Variants in PDZRN3 observed in about 807,000 individuals in gnomAD.
PDZRN3 encodes the protein PDZ domain containing ring finger 3.
Under a neutral mutation model 85.7 loss-of-function variants are expected in PDZRN3, and 38 were observed. The observed-to-expected ratio is 0.44, with a 90% confidence interval of 0.34 to 0.58. The LOEUF is 0.58. PDZRN3 is among the 20% of genes least tolerant of loss of function. The pLI is 0.01. For missense variants in PDZRN3, 1,629 were observed against 1,506.4 expected (o/e 1.08, Z -1.35); for synonymous variants, 759 against 638.0 (o/e 1.19, Z -2.86).
intron 3 of PDZRN3, among the ~76,000 whole-genome samples, chr3:73,415,910 T>G (rs1034972589): frequency 6.7e-6 from 1 of 150,166 alleles, no homozygotes; most frequent in African/African-American, 2.5e-5. Context: ...TTTTTAGTAT[T>G]AACTATGGCT....
chr3:73,578,344 A>AT (rs372703841), intron 3 of PDZRN3, among the ~76,000 whole-genome samples: 45 of 151,320 alleles, frequency 3.0e-4, no homozygotes, highest in Non-Finnish European at 4.3e-4. Flanking sequence ...AATTTTTTGT[A>AT]TTTTTTTATT....
chr3:73,385,537 AGGCT>A (rs2106673143), intron 9 of PDZRN3, 128 bp downstream of exon 9: 1 of 643,020 alleles, frequency 1.6e-6, no homozygotes, highest in East Asian at 2.6e-5. Context: ...AAAGTACTTG[AGGCT>A]GTTTTCTTGC....
intron 1 of PDZRN3, among the ~76,000 whole-genome samples, chr3:73,615,396 C>T (rs1702746455): frequency 6.6e-6 from 1 of 152,196 alleles, no homozygotes; most frequent in African/African-American, 2.4e-5. Flanking sequence ...GGTGTTACAG[C>T]ATCTTAACAC....
intron 1 of PDZRN3, among the ~76,000 whole-genome samples, chr3:73,610,309 A>G (rs4499540): frequency 0.9 from 137,310 of 152,260 alleles, 61,982 homozygotes; most frequent in African/African-American, 0.94. Context: ...TGTACCCAAC[A>G]AAAAACAGCA....
chr3:73,507,208 C>T (rs1704084336), intron 3 of PDZRN3, among the ~76,000 whole-genome samples: 2 of 152,182 alleles, frequency 1.3e-5, no homozygotes, highest in Admixed American at 6.5e-5. Context: ...CGCTCTTGTC[C>T]CCCAAGCTGG....
At chr3:73,388,250 A>G (rs3912295) in intron 7 of PDZRN3, 181 bp from the exon 8 acceptor site, 291,648 of 461,792 alleles carry the variant, frequency 0.63, 95,076 homozygotes, top group East Asian at 0.88. Context: ...GCTCAGACCA[A>G]TGCAGTTTCT....
chr3:73,499,526 T>G (rs1251413250), intron 3 of PDZRN3, among the ~76,000 whole-genome samples: 1 of 152,174 alleles, frequency 6.6e-6, no homozygotes, highest in Non-Finnish European at 1.5e-5. Flanking sequence ...CGTGTAAGGC[T>G]CCAGGGTGGA....
intron 3 of PDZRN3, among the ~76,000 whole-genome samples, chr3:73,470,822 A>T (rs920173481): frequency 1.3e-5 from 2 of 152,200 alleles, no homozygotes. Flanking sequence ...CATTTTTGAG[A>T]TCCATTGTTA....
rs34405662 is a variant in PDZRN3 at position 73,600,337 on chromosome 3, A to ACACACACTCTCTCTCTCTCT, written c.918+2016_918+2017insAGAGAGAGAGAGAGTGTGTG. The stretch of plus-strand genomic sequence containing the variant: ...CACACACACACACACACACACACAC[A>ACACACACTCTCTCTCTCTCT]CTCTCTCTCTCTCTCTCTCTCTCTC... On this transcript the variant is annotated intron_variant, in intron 3 of 9. Transcript: ENST00000263666. Among the ~76,000 whole-genome samples, 85 of 100,060 alleles carry ACACACACTCTCTCTCTCTCT rather than the reference A, an allele frequency of 8.5e-4. 1 individual carries two copies. Among genetic ancestry groups the ACACACACTCTCTCTCTCTCT allele is most frequent in the African/African-American group, 3.5e-3 (83 of 23,420 alleles). 65.6% of individuals were successfully genotyped at this position (100,060 alleles called of 152,430 possible). A position where few individuals can be genotyped will look rare whatever the true frequency, so the allele number is the denominator to read the frequency against.
chr3:73,621,409 A>G (rs1378852831), intron 1 of PDZRN3, among the ~76,000 whole-genome samples: 1 of 152,236 alleles, frequency 6.6e-6, no homozygotes, highest in Non-Finnish European at 1.5e-5. Context: ...TTATTTTAAA[A>G]AGAAAATAAA....
intron 3 of PDZRN3, among the ~76,000 whole-genome samples, chr3:73,469,585 T>C (rs1244088473): frequency 6.6e-6 from 1 of 152,192 alleles, no homozygotes; most frequent in African/African-American, 2.4e-5. Context: ...CAAAAGCTTT[T>C]GGCCAACTCA....
intron 5 of PDZRN3, among the ~76,000 whole-genome samples, chr3:73,395,835 A>AGACAT (rs1701624179): frequency 6.6e-6 from 1 of 152,262 alleles, no homozygotes; most frequent in Admixed American, 6.5e-5. Flanking sequence ...ACTATATGCC[A>AGACAT]GACATGGTCT....
At chr3:73,392,054 C>T (rs1052005448) in intron 5 of PDZRN3, among the ~76,000 whole-genome samples, 16 of 152,214 alleles carry the variant, frequency 1.1e-4, no homozygotes, top group South Asian at 2.1e-4. Flanking sequence ...GTCTTCTTAG[C>T]GGGGAAGGAG....
intron 3 of PDZRN3, among the ~76,000 whole-genome samples, chr3:73,463,645 A>T (rs1331399592): frequency 6.6e-6 from 1 of 152,168 alleles, no homozygotes; most frequent in African/African-American, 2.4e-5. Context: ...TAGAGACAGA[A>T]ATACCCAGCA....
At chr3:73,529,000 C>A (rs925549432) in intron 3 of PDZRN3, among the ~76,000 whole-genome samples, 10 of 151,994 alleles carry the variant, frequency 6.6e-5, no homozygotes, top group African/African-American at 2.4e-4. Context: ...GCTGATCACC[C>A]TGTTTTCCAA....
chr3:73,386,903 C>T (rs1445544456), intron 8 of PDZRN3, among the ~76,000 whole-genome samples: 2 of 152,212 alleles, frequency 1.3e-5, no homozygotes, highest in South Asian at 2.1e-4. Context: ...TTTGGCTGTC[C>T]CCACCCAAAT....
At position 73,576,445 on chromosome 3, in the gene PDZRN3, AAAG is replaced by A. The variant is rs1172451691; in HGVS notation, c.918+25906_918+25908del. On this transcript the variant is annotated intron_variant, in intron 3 of 9. Coordinates refer to ENST00000263666, the MANE Select transcript of PDZRN3 (RefSeq NM_015009.3). The stretch of plus-strand genomic sequence containing the variant: ...TAGTGTTTCTAGGTTCCAGTGTGCC[AAAG>A]AAGAATGCCATAGCCTGACTTTAGC... Among the ~76,000 whole-genome samples, 3 of 152,206 alleles carry A rather than the reference AAAG, an allele frequency of 2.0e-5. No individual in the cohort carries two copies. The East Asian group carries it at 5.8e-4, about 29-fold the overall frequency.
At chr3:73,576,677 T>C (rs764446564) in intron 3 of PDZRN3, among the ~76,000 whole-genome samples, 1 of 152,206 alleles carries the variant, frequency 6.6e-6, no homozygotes, top group African/African-American at 2.4e-5. Flanking sequence ...AACTTTTGCC[T>C]TTTTCAATTT....
In PDZRN3 at chr3:73,384,546, C is replaced by T. The variant is rs113796133; in HGVS notation, c.2020G>A (p.Gly674Ser). 30 of 1,613,678 alleles carry T rather than the reference C, an allele frequency of 1.9e-5. No homozygotes were observed. Among genetic ancestry groups the T allele is most frequent in the Middle Eastern group, 1.6e-4 (1 of 6,062 alleles). ...TCCACGCTCTCAGGGTCACTCTTGC[C>T]GGCGTCCAGGGGGCCGCTAGGGTAG... ...LYYPSGPLDA[G>S]KSDPESVDKE... The change falls in exon 10 of 10, where the codon GGC becomes AGC. Residue 674 changes from glycine to serine, a missense_variant. Transcript: ENST00000263666.
Sources: allele counts gnomAD v4.1 joint callset (sites outside exome capture counted in the v4.1 genomes callset), GRCh38; gene constraint gnomAD v4.1.1; transcripts MANE v1.5; gene names NCBI Gene and HGNC (gene_info 2026-07-23, HGNC 2026-07-21).